Variants in CCDC34 observed in about 807,000 individuals in gnomAD.
The protein encoded by CCDC34 is coiled-coil domain containing 34, also known as coiled-coil domain-containing protein 34.
In CCDC34, 40 loss-of-function variants were observed where a neutral mutation model predicts 44.1. That is an observed-to-expected ratio of 0.91 (90% CI 0.70 to 1.18). The LOEUF (loss-of-function observed/expected upper bound fraction) is 1.18, where lower values mean the gene tolerates loss of function less well. Ranked by LOEUF, CCDC34 falls within the 50% of genes most tolerant of loss-of-function variation. The pLI is 0.00. For synonymous variants in CCDC34, 159 were observed against 158.2 expected, an observed-to-expected ratio of 1.01 and a Z score of -0.04; for missense variants, 466 against 452.3, an observed-to-expected ratio of 1.03 and a Z score of -0.28.
At chr11:27,351,300 G>A (rs1470821336) in intron 2 of CCDC34, among the ~76,000 whole-genome samples, 2 of 152,046 alleles carry the variant, frequency 1.3e-5, no homozygotes, top group African/African-American at 4.8e-5. Context: ...CTACCTACTT[G>A]GGCATGGGTG....
At chr11:27,358,960 C>T (rs1484397298) in intron 1 of CCDC34, among the ~76,000 whole-genome samples, 2 of 25,696 alleles carry the variant, frequency 7.8e-5, no homozygotes, top group African/African-American at 1.4e-4. Context: ...ACATGTGGAC[C>T]CCCCCCCCCC....
intron 3 of CCDC34, chr11:27,348,862 G>C: frequency 2.1e-6 from 2 of 963,908 alleles, no homozygotes; most frequent in Non-Finnish European, 1.2e-6. Context: ...GAGTTCTGCA[G>C]AACAGGTAAA....
At position 27,362,848 on chromosome 11, in the gene CCDC34, T is replaced by C. The variant is rs750153889; in HGVS notation, c.347A>G (p.Gln116Arg). Residue 116 changes from glutamine to arginine, a missense_variant, in exon 1 of 6, where the codon CAG (glutamine) becomes CGG (arginine). Coordinates refer to ENST00000328697, the MANE Select transcript of CCDC34 (RefSeq NM_030771.2). ...KVASLRGMEL[Q>R]GCASTQVESE... is the part of the protein sequence containing the mutation. Reference sequence around the variant, plus strand: ...GCCTCGGGTTTACCTGGCGCACCCCTGTAACTCCATTCCTCTCAGGCTCGC... The same window carrying C: ...GCCTCGGGTTTACCTGGCGCACCCCCGTAACTCCATTCCTCTCAGGCTCGC... 61 of 1,613,776 alleles carry C rather than the reference T, an allele frequency of 3.8e-5. No individual in the cohort carries two copies. Among genetic ancestry groups the C allele is most frequent in the Non-Finnish European group, 4.7e-5 (56 of 1,179,848 alleles).
intron 2 of CCDC34, among the ~76,000 whole-genome samples, chr11:27,352,570 C>A (rs1862518221): frequency 6.6e-6 from 1 of 151,836 alleles, no homozygotes; most frequent in Non-Finnish European, 1.5e-5. Context: ...TAGATATAGA[C>A]CTGACAACTA....
At chr11:27,349,289 A>G in intron 3 of CCDC34, 1 of 920,886 alleles carries the variant, frequency 1.1e-6, no homozygotes, top group Non-Finnish European at 1.3e-6. Context: ...TTCATGTTAT[A>G]TCATGGGATG....
chr11:27,363,037 G>T lies in CCDC34; in HGVS notation c.158C>A (p.Pro53Gln). ...ATTGCTGCAGCTCAGCGGCAGCGGC[G>T]GCGACGGCGAGCGCACCACCTCCAG... ...QGLEVVRSPS[P>Q]PLPLSCSNST... is the part of the protein sequence containing the mutation. Residue 53 changes from proline to glutamine, a missense_variant, in exon 1 of 6, where the codon CCG (proline) becomes CAG (glutamine). By Grantham distance (76) the Pro-to-Gln change is moderately conservative. Coordinates refer to ENST00000328697, the MANE Select transcript of CCDC34 (RefSeq NM_030771.2). 1 of 1,614,038 alleles carries T rather than the reference G, an allele frequency of 6.2e-7. No individual in the cohort carries two copies. The highest frequency in any genetic ancestry group is 8.5e-7 in the Non-Finnish European group (1 of 1,180,000).
rs1455869459 is a variant in CCDC34 at position 27,350,447 on chromosome 11, TTTTA to T, written c.499-12_499-9del. 1 of 1,587,004 alleles carries T rather than the reference TTTTA, an allele frequency of 6.3e-7. No individual in the cohort carries two copies. Among genetic ancestry groups the T allele is most frequent in the Admixed American group, 1.8e-5 (1 of 55,932 alleles). On this transcript the variant is annotated splice_polypyrimidine_tract_variant and intron_variant, in intron 2 of 5. Coordinates refer to ENST00000328697, the MANE Select transcript of CCDC34 (RefSeq NM_030771.2). ...TAGTTGTTGATTTAATTCCTGTGGA[TTTTA>T]TTTAGACAAAAGGCAACATTTAATA... is the stretch of plus-strand genomic sequence containing the variant.
intron 2 of CCDC34, among the ~76,000 whole-genome samples, chr11:27,356,790 G>C (rs1019917811): frequency 2.0e-5 from 3 of 150,524 alleles, no homozygotes; most frequent in African/African-American, 7.4e-5. Context: ...CAGAGAAACT[G>C]AAACACCCTG....
chr11:27,349,641 T>C, intron 3 of CCDC34: 1 of 983,954 alleles, frequency 1.0e-6, no homozygotes, highest in Non-Finnish European at 1.2e-6. Context: ...ATTTTTAAAA[T>C]TTCGAATGTG....
chr11:27,348,972 A>G (rs1244390136), intron 3 of CCDC34: 2 of 984,938 alleles, frequency 2.0e-6, no homozygotes, highest in African/African-American at 3.5e-5. Flanking sequence ...TCCCTCCAAA[A>G]GAAATAATTT....
intron 3 of CCDC34, among the ~76,000 whole-genome samples, chr11:27,346,655 A>C (rs1451429383): frequency 6.6e-6 from 1 of 152,174 alleles, no homozygotes; most frequent in Non-Finnish European, 1.5e-5. Flanking sequence ...AACACAACAC[A>C]AAACAAGCCA....
At position 27,341,102 on chromosome 11, in the gene CCDC34, T is replaced by C. The variant is rs151192402; in HGVS notation, c.766-265A>G. Reference sequence around the variant, plus strand: ...TTTCAAAGAATAGTAATTTATAAAATGGCAGTAAGACTTCCCATAAAATGC... The same window carrying C: ...TTTCAAAGAATAGTAATTTATAAAACGGCAGTAAGACTTCCCATAAAATGC... On this transcript the variant is annotated intron_variant, in intron 4 of 5. Coordinates refer to ENST00000328697, the MANE Select transcript of CCDC34 (RefSeq NM_030771.2). 2.6e-3 allele frequency among the ~76,000 whole-genome samples: 400 copies of C among 152,308 alleles called. 3 individuals are homozygous for C. The highest frequency in any genetic ancestry group is 9.1e-3 in the African/African-American group (380 of 41,580).
At chr11:27,345,678 T>C (rs1220977117) in intron 3 of CCDC34, among the ~76,000 whole-genome samples, 2 of 152,162 alleles carry the variant, frequency 1.3e-5, no homozygotes, top group Admixed American at 6.5e-5. Flanking sequence ...CTTAATCCAG[T>C]CTATCATTGT....
In CCDC34 at chr11:27,340,826, T is replaced by C. The variant is rs777635524; in HGVS notation, c.777A>G (p.Lys259=). The change falls in exon 5 of 6, where the codon AAA becomes AAG. Residue 259 remains lysine (K), a synonymous_variant. Coordinates refer to ENST00000328697, the MANE Select transcript of CCDC34 (RefSeq NM_030771.2). ...ERKKKEKEKE[K]QQQAEIQEKK... ...TCTCCTGTATTTCAGCTTGCTGTTG[T>C]TTTTCTTTTTCCTTAAAATGACAAG... The C allele has an allele frequency of 6.2e-7, 1 of 1,611,952 alleles. No homozygotes were observed. Among genetic ancestry groups the C allele is most frequent in the Non-Finnish European group, 8.5e-7 (1 of 1,179,304 alleles).
chr11:27,338,624 A>T lies in CCDC34; in HGVS notation c.*197T>A. 1.9e-6 allele frequency: 1 copy of T among 534,314 alleles called. No homozygotes were observed. Among genetic ancestry groups the T allele is most frequent in the Non-Finnish European group, 3.2e-6 (1 of 308,858 alleles). 33.1% of individuals were successfully genotyped at this position (534,314 alleles called of 1,614,324 possible). A position where few individuals can be genotyped will look rare whatever the true frequency, so the allele number is the denominator to read the frequency against. Reference sequence around the variant, plus strand: ...TTATTCTGCAAAACAACATGCCAAGATCAACCTTAAAAAGTTTATAAAAAC... The same window carrying T: ...TTATTCTGCAAAACAACATGCCAAGTTCAACCTTAAAAAGTTTATAAAAAC... On this transcript the variant is annotated 3_prime_UTR_variant, in exon 6 of 6. Coordinates refer to ENST00000328697, the MANE Select transcript of CCDC34 (RefSeq NM_030771.2).
Position 27,338,943 on chromosome 11 carries a change from C to A in CCDC34, c.1000G>T (p.Asp334Tyr), listed in dbSNP as rs1479161056. ...CTTTTACTCTTCCTTCCTGATAGATCCTTAGCTTCTTTGGGAGGTGGCATA... is the reference window on the plus strand; with the variant it reads ...CTTTTACTCTTCCTTCCTGATAGATACTTAGCTTCTTTGGGAGGTGGCATA... The part of the protein sequence containing the change: ...IHMPPPKEAK[D>Y]LSGRKSKRPV... Residue 334 changes from aspartate to tyrosine, a missense_variant, in exon 6 of 6, where the codon GAT becomes TAT. Asp to Tyr is a radical substitution (Grantham distance 160, BLOSUM62 -3). Coordinates refer to ENST00000328697, the MANE Select transcript of CCDC34 (RefSeq NM_030771.2). 2 of 1,613,780 alleles carry A rather than the reference C, an allele frequency of 1.2e-6. No individual in the cohort carries two copies. Among genetic ancestry groups the A allele is most frequent in the East Asian group, 4.5e-5 (2 of 44,806 alleles).
At chr11:27,340,325 C>G (rs190604859) in intron 5 of CCDC34, among the ~76,000 whole-genome samples, 1 of 152,218 alleles carries the variant, frequency 6.6e-6, no homozygotes, top group East Asian at 1.9e-4. Flanking sequence ...GTGCCAAGGA[C>G]ATGGGAAGCT....
Position 27,355,371 on chromosome 11 carries a change from T to C in CCDC34, c.498+2032A>G, listed in dbSNP as rs977550582. The stretch of plus-strand genomic sequence containing the variant: ...TATGTAGGTATGTGTTTTTATAACA[T>C]AAAAAAATAGAGTGCTCACTATGAA... On this transcript the variant is annotated intron_variant, in intron 2 of 5. Coordinates refer to ENST00000328697, the MANE Select transcript of CCDC34 (RefSeq NM_030771.2). Among the ~76,000 whole-genome samples, 26 of 152,150 alleles carry C rather than the reference T, an allele frequency of 1.7e-4. No homozygotes were observed. In the South Asian group the frequency reaches 2.3e-3, roughly 13 times the overall value.
chr11:27,363,030 C>T lies in CCDC34; in HGVS notation c.165G>A (p.Leu55=). ...LEVVRSPSPP[L]PLSCSNSTRS... ...TGGTGGAATTGCTGCAGCTCAGCGGCAGCGGCGGCGACGGCGAGCGCACCA... is the reference window on the plus strand; with the variant it reads ...TGGTGGAATTGCTGCAGCTCAGCGGTAGCGGCGGCGACGGCGAGCGCACCA... The change falls in exon 1 of 6, where the codon CTG becomes CTA. Residue 55 remains leucine, a synonymous_variant. Coordinates refer to ENST00000328697, the MANE Select transcript of CCDC34 (RefSeq NM_030771.2). 1 of 1,614,110 alleles carries T rather than the reference C, an allele frequency of 6.2e-7. No homozygotes were observed. The highest frequency in any genetic ancestry group is 8.5e-7 in the Non-Finnish European group (1 of 1,180,002).
Sources: allele counts gnomAD v4.1 joint callset (sites outside exome capture counted in the v4.1 genomes callset), GRCh38; gene constraint gnomAD v4.1.1; transcripts MANE v1.5; gene names NCBI Gene and HGNC (gene_info 2026-07-23, HGNC 2026-07-21).